The following AP3S2 variants were observed in gnomAD, a reference collection of about 807,000 sequenced individuals.
AP3S2 encodes the protein adaptor related protein complex 3 subunit sigma 2.
In AP3S2, 22 loss-of-function variants were observed where a neutral mutation model predicts 23.4. That is an observed-to-expected ratio of 0.94 (90% CI 0.67 to 1.34). AP3S2 has a LOEUF of 1.34. AP3S2 is among the 40% of genes most tolerant of loss of function. The pLI is 0.00. For synonymous variants in AP3S2, 86 were observed against 87.1 expected (o/e 0.99, Z 0.07); for missense variants, 241 against 236.9 (o/e 1.02, Z -0.11).
chr15:89,865,984 G>C (rs1474639374), intron 4 of AP3S2, among the ~76,000 whole-genome samples: 1 of 152,032 alleles, frequency 6.6e-6, no homozygotes, highest in Non-Finnish European at 1.5e-5. Flanking sequence ...GAGGCTGGGC[G>C]CGGTGGCTCA....
intron 3 of AP3S2, among the ~76,000 whole-genome samples, chr15:89,885,523 C>T (rs11638138): frequency 0.71 from 108,458 of 152,122 alleles, 38,888 homozygotes; most frequent in East Asian, 0.8. Context: ...TTTTTGTAGT[C>T]GGCTATTTCA....
chr15:89,860,032 T>A (rs1895975868), intron 4 of AP3S2, among the ~76,000 whole-genome samples: 1 of 152,208 alleles, frequency 6.6e-6, no homozygotes, highest in African/African-American at 2.4e-5. Flanking sequence ...CCCAAAGTGC[T>A]GGGATTACAG....
chr15:89,893,502 A>G (rs915273411), intron 1 of AP3S2: 19 of 397,726 alleles, frequency 4.8e-5, no homozygotes, highest in African/African-American at 2.9e-4. Flanking sequence ...CAGAAACTTA[A>G]TATTTCTTCC....
At chr15:89,868,687 G>C (rs1241265509) in intron 4 of AP3S2, among the ~76,000 whole-genome samples, 2 of 121,328 alleles carry the variant, frequency 1.6e-5, no homozygotes, top group African/African-American at 6.5e-5. Flanking sequence ...GGTCCGGGAG[G>C]GAGGTGGGGG....
chr15:89,888,645 G>A lies in AP3S2; in HGVS notation c.162-13C>T. 6.2e-7 allele frequency: 1 copy of A among 1,611,778 alleles called. No homozygotes were observed. The highest frequency in any genetic ancestry group is 1.1e-5 in the South Asian group (1 of 90,920). ...GCCACCAATCAAACTGCAGAAGATG[G>A]GAAACATTTAAATGCCCACAGCTTA... On this transcript the variant is annotated splice_polypyrimidine_tract_variant and intron_variant, in intron 2 of 5. Transcript: ENST00000336418.
chr15:89,869,281 G>A (rs1183321879), intron 4 of AP3S2, among the ~76,000 whole-genome samples: 1 of 145,690 alleles, frequency 6.9e-6, no homozygotes, highest in Non-Finnish European at 1.5e-5. Flanking sequence ...CCCCAACCCT[G>A]TGCTCTCTGA....
At chr15:89,861,215 ATTCCAT>A (rs1896002751) in intron 4 of AP3S2, among the ~76,000 whole-genome samples, 1 of 152,192 alleles carries the variant, frequency 6.6e-6, no homozygotes, top group African/African-American at 2.4e-5. Flanking sequence ...GAGATTTAAA[ATTCCAT>A]ACTATGAGGT....
intron 4 of AP3S2, among the ~76,000 whole-genome samples, chr15:89,854,372 C>CAT (rs1895752876): frequency 2.0e-5 from 1 of 50,050 alleles, no homozygotes; most frequent in Non-Finnish European, 4.3e-5. Context: ...CCTGGCCAGC[C>CAT]GCCCCGTCCG....
chr15:89,836,567 T>C (rs892400527), intron 5 of AP3S2, among the ~76,000 whole-genome samples: 4 of 151,440 alleles, frequency 2.6e-5, no homozygotes, highest in Non-Finnish European at 4.4e-5. Context: ...ACGCAAAGAG[T>C]ATGCACATCT....
At chr15:89,855,252 T>C (rs1567177545) in intron 4 of AP3S2, among the ~76,000 whole-genome samples, 1 of 97,178 alleles carries the variant, frequency 1.0e-5, no homozygotes, top group Non-Finnish European at 2.1e-5. Flanking sequence ...CTCTGAAACA[T>C]GTGCTGTGTC....
chr15:89,887,633 A>AT (rs1896730546), intron 3 of AP3S2, among the ~76,000 whole-genome samples: 1 of 151,682 alleles, frequency 6.6e-6, no homozygotes, highest in African/African-American at 2.4e-5. Flanking sequence ...AAATGCTGAG[A>AT]TTACAGGCAT....
chr15:89,863,696 G>A (rs1221306192), intron 4 of AP3S2, among the ~76,000 whole-genome samples: 3 of 152,126 alleles, frequency 2.0e-5, no homozygotes, highest in Non-Finnish European at 4.4e-5. Flanking sequence ...CTACTACTCC[G>A]GCCACATCTG....
At position 89,872,741 on chromosome 15, in the gene AP3S2, C is replaced by G. The variant is rs1411839100; in HGVS notation, c.274-1195G>C. On this transcript the variant is annotated intron_variant, in intron 3 of 5. Transcript: ENST00000336418. The stretch of plus-strand genomic sequence containing the variant: ...GACAGACCCACTTGCCATGAGGAAC[C>G]AACGCACACTATTGGAGCTGATCCT... 2.0e-5 allele frequency among the ~76,000 whole-genome samples: 3 copies of G among 152,176 alleles called. 1 individual carries two copies. Among genetic ancestry groups the G allele is most frequent in the Admixed American group, 2.0e-4 (3 of 15,272 alleles).
intron 4 of AP3S2, among the ~76,000 whole-genome samples, chr15:89,844,113 C>T (rs529230279): frequency 2.0e-5 from 3 of 152,288 alleles, no homozygotes; most frequent in African/African-American, 7.2e-5. Context: ...TGACTTTTCC[C>T]GTGAATGTTC....
rs1409728807 is a variant in AP3S2, at chr15:89,888,931, G to A, written c.161+118C>T. 17 of 1,187,886 alleles carry A rather than the reference G, an allele frequency of 1.4e-5. No individual in the cohort carries two copies. In the East Asian group the frequency reaches 3.0e-4, roughly 21 times the overall value. 73.6% of individuals were successfully genotyped at this position (1,187,886 alleles called of 1,614,324 possible). A position where few individuals can be genotyped will look rare whatever the true frequency, so the allele number is the denominator to read the frequency against. ...TGTCTCTCCCTGAGCAGATCATGGT[G>A]AGACCAGCTAAAGTTGCATCAAGTA... is the stretch of plus-strand genomic sequence containing the variant. On this transcript the variant is annotated intron_variant, in intron 2 of 5. Transcript: ENST00000336418.
At chr15:89,887,522 C>T (rs1896728281) in intron 3 of AP3S2, among the ~76,000 whole-genome samples, 1 of 151,770 alleles carries the variant, frequency 6.6e-6, no homozygotes, top group Non-Finnish European at 1.5e-5. Context: ...CTGGCACGTG[C>T]CACTACGCCC....
intron 5 of AP3S2, among the ~76,000 whole-genome samples, chr15:89,837,028 A>G (rs1248781508): frequency 6.6e-6 from 1 of 152,254 alleles, no homozygotes; most frequent in Non-Finnish European, 1.5e-5. Flanking sequence ...GGGGACGGCG[A>G]GACCTCAGAG....
intron 1 of AP3S2, among the ~76,000 whole-genome samples, chr15:89,892,401 G>A (rs1053270465): frequency 1.3e-5 from 2 of 152,188 alleles, no homozygotes; most frequent in Admixed American, 1.3e-4. Context: ...GCCGGACACA[G>A]TGGCTCATGC....
At chr15:89,855,811 T>C (rs1181107471) in intron 4 of AP3S2, among the ~76,000 whole-genome samples, 1 of 145,090 alleles carries the variant, frequency 6.9e-6, no homozygotes, top group Non-Finnish European at 1.5e-5. Context: ...GATTGCACCA[T>C]TGCACTCCAG....
Sources: allele counts gnomAD v4.1 joint callset (sites outside exome capture counted in the v4.1 genomes callset), GRCh38; gene constraint gnomAD v4.1.1; transcripts MANE v1.5; gene names NCBI Gene and HGNC (gene_info 2026-07-23, HGNC 2026-07-21).